The following MAP1B variants were observed in gnomAD, a reference collection of about 807,000 sequenced individuals.
MAP1B encodes the protein microtubule associated protein 1B.
MAP1B carries 12 observed loss-of-function variants against 176.1 expected under a neutral mutation model. That is an observed-to-expected ratio of 0.07 (90% CI 0.04 to 0.11). The LOEUF (loss-of-function observed/expected upper bound fraction) is 0.11. Among genes scored for constraint, MAP1B ranks in the 10% least tolerant of loss-of-function variants. The pLI, the probability that MAP1B is intolerant of heterozygous loss-of-function variation, is 1.00. For missense variants in MAP1B, 2,523 were observed against 2,990.5 expected, an observed-to-expected ratio of 0.84 and a Z score of 3.65; for synonymous variants, 1,044 against 1,135.0, an observed-to-expected ratio of 0.92 and a Z score of 1.61.
chr5:72,196,756 A>G lies in MAP1B; in HGVS notation c.3401A>G (p.Asp1134Gly). The change falls in exon 5 of 7, where the codon GAT (aspartate) becomes GGT (glycine). Residue 1134 changes from aspartate (D) to glycine (G), a missense_variant. By Grantham distance (94) the Asp-to-Gly change is moderately conservative. This residue lies in a region of MAP1B where 1,925 missense variants were observed against 2,126.0 expected (regional missense o/e 0.91). Coordinates refer to ENST00000296755, the MANE Select transcript of MAP1B (RefSeq NM_005909.5). This position sits in a 1 kb window ranked among gnomAD's most constrained non-coding sequence, Gnocchi z 5.3. ...ATATCCAGTGAGCCCACCCCCATGG[A>G]TGAGATGTCTACCCCTCGAGACGTG... ...IEISSEPTPM[D>G]EMSTPRDVMS... 1.2e-6 allele frequency: 2 copies of G among 1,614,142 alleles called. No individual in the cohort carries two copies. Among genetic ancestry groups the G allele is most frequent in the Non-Finnish European group, 1.7e-6 (2 of 1,180,014 alleles).
At chr5:72,132,084 G>T (rs1393506583) in intron 2 of MAP1B, among the ~76,000 whole-genome samples, 1 of 152,066 alleles carries the variant, frequency 6.6e-6, no homozygotes, top group African/African-American at 2.4e-5. Context: ...TAGAACCAAT[G>T]GCCCTTGTTG....
At chr5:72,142,201 G>A (rs372269953) in intron 2 of MAP1B, among the ~76,000 whole-genome samples, 2 of 152,212 alleles carry the variant, frequency 1.3e-5, no homozygotes, top group African/African-American at 2.4e-5. Context: ...AGGTGGCTGG[G>A]AGTGGAAGGC....
chr5:72,159,350 T>C (rs1309668384), intron 2 of MAP1B, among the ~76,000 whole-genome samples: 1 of 152,238 alleles, frequency 6.6e-6, no homozygotes, highest in Non-Finnish European at 1.5e-5. Flanking sequence ...CATTTGGACT[T>C]ATTTCTTAGG....
At chr5:72,191,887 T>C (rs1049564370) in intron 4 of MAP1B, among the ~76,000 whole-genome samples, 3 of 152,162 alleles carry the variant, frequency 2.0e-5, no homozygotes, top group Admixed American at 2.0e-4. Flanking sequence ...TGGATAGAGG[T>C]GAAAAGACGG....
intron 2 of MAP1B, among the ~76,000 whole-genome samples, chr5:72,157,545 C>T (rs1309810599): frequency 1.3e-5 from 2 of 152,180 alleles, no homozygotes; most frequent in African/African-American, 2.4e-5. Context: ...TGGGCTTCCC[C>T]ACCCTCCCTG....
rs1396054149 is a variant in MAP1B at position 72,196,837 on chromosome 5, A to T, written c.3482A>T (p.Asn1161Ile). Residue 1161 changes from asparagine to isoleucine, a missense_variant, in exon 5 of 7, where the codon AAT becomes ATT. Asn to Ile is a moderately radical substitution (Grantham distance 149). Coordinates refer to ENST00000296755, the MANE Select transcript of MAP1B (RefSeq NM_005909.5). This position sits in a 1 kb window ranked among gnomAD's most constrained non-coding sequence, Gnocchi z 5.3. ...ETESPSQEFV[N>I]ITKYESSLYS... Reference sequence around the variant, plus strand: ...GAGTCCCCTTCTCAGGAATTCGTAAATATCACCAAATATGAATCTTCATTG... The same window carrying T: ...GAGTCCCCTTCTCAGGAATTCGTAATTATCACCAAATATGAATCTTCATTG... 6.2e-7 allele frequency: 1 copy of T among 1,614,160 alleles called. No homozygotes were observed. Among genetic ancestry groups the T allele is most frequent in the Non-Finnish European group, 8.5e-7 (1 of 1,179,994 alleles).
At chr5:72,167,447 T>C (rs1746452992) in intron 2 of MAP1B, among the ~76,000 whole-genome samples, 1 of 152,210 alleles carries the variant, frequency 6.6e-6, no homozygotes, top group African/African-American at 2.4e-5. Flanking sequence ...CACTTCTCAG[T>C]TGACCACAAG....
Position 72,199,479 on chromosome 5 carries a change from T to G in MAP1B, c.6124T>G (p.Tyr2042Asp), listed in dbSNP as rs1237595534. The G allele has an allele frequency of 3.1e-6, 5 of 1,614,144 alleles. No homozygotes were observed. The highest frequency in any genetic ancestry group is 3.3e-4 in the Middle Eastern group (2 of 6,062). Reference sequence around the variant, plus strand: ...AACCCCTGATACTTCCACATACTGTTACGAGACTGCAGAGAAAATCACTAG... The same window carrying G: ...AACCCCTGATACTTCCACATACTGTGACGAGACTGCAGAGAAAATCACTAG... ...TRTPDTSTYC[Y>D]ETAEKITRTP... Residue 2042 changes from tyrosine to aspartate, a missense_variant, in exon 5 of 7, where the codon TAC (tyrosine) becomes GAC (aspartate). By Grantham distance (160) the Tyr-to-Asp change is radical. Transcript: ENST00000296755. The surrounding 1 kb of genome is among the most constrained non-coding windows in gnomAD (Gnocchi z 4.2).
chr5:72,183,536 C>G (rs1242741735), intron 2 of MAP1B, among the ~76,000 whole-genome samples: 1 of 152,208 alleles, frequency 6.6e-6, no homozygotes, highest in African/African-American at 2.4e-5. Context: ...CCCGACCACA[C>G]AAACCCAGCC....
At position 72,196,979 on chromosome 5, in the gene MAP1B, A is replaced by G; in HGVS notation, c.3624A>G (p.Ser1208=). The part of the protein sequence containing the change: ...KDYNASASTI[S]PPSSMEEDKF... ...ACAATGCTTCAGCCTCTACCATATCACCACCCTCTTCCATGGAGGAAGACA... is the reference window on the plus strand; with the variant it reads ...ACAATGCTTCAGCCTCTACCATATCGCCACCCTCTTCCATGGAGGAAGACA... The change falls in exon 5 of 7, where the codon TCA becomes TCG. Residue 1208 remains serine, a synonymous_variant. Transcript: ENST00000296755. The surrounding 1 kb of genome is among the most constrained non-coding windows in gnomAD (Gnocchi z 5.3). 6.2e-7 allele frequency: 1 copy of G among 1,614,158 alleles called. No individual in the cohort carries two copies. The highest frequency in any genetic ancestry group is 1.3e-5 in the African/African-American group (1 of 75,036).
At chr5:72,121,822 A>G (rs1358936740) in intron 2 of MAP1B, among the ~76,000 whole-genome samples, 1 of 152,224 alleles carries the variant, frequency 6.6e-6, no homozygotes, top group Non-Finnish European at 1.5e-5. Flanking sequence ...GGGAGTAATG[A>G]ATGTGTTTTC....
chr5:72,136,547 C>G (rs1745839778), intron 2 of MAP1B, among the ~76,000 whole-genome samples: 1 of 152,146 alleles, frequency 6.6e-6, no homozygotes. Flanking sequence ...CCTCCTTCTC[C>G]CCAAGACCTC....
In MAP1B at chr5:72,111,647, A is replaced by T. The variant is rs181590014; in HGVS notation, c.184+3932A>T. On this transcript the variant is annotated intron_variant, in intron 1 of 6. Coordinates refer to ENST00000296755, the MANE Select transcript of MAP1B (RefSeq NM_005909.5). Reference sequence around the variant, plus strand: ...CTATACTTTTCAAAGTCGAAGACAGATGGATTTCTGCTTGCACTGCTTAAT... The same window carrying T: ...CTATACTTTTCAAAGTCGAAGACAGTTGGATTTCTGCTTGCACTGCTTAAT... 7.0e-4 allele frequency among the ~76,000 whole-genome samples: 107 copies of T among 152,334 alleles called. 2 individuals are homozygous for T. In the East Asian group the frequency reaches 8.3e-3, roughly 12 times the overall value.
intron 2 of MAP1B, among the ~76,000 whole-genome samples, chr5:72,151,310 C>A (rs1479677600): frequency 1.3e-5 from 2 of 152,098 alleles, no homozygotes; most frequent in African/African-American, 4.8e-5. Flanking sequence ...GGGATCTGCC[C>A]CCATGACCCA....
chr5:72,143,419 C>T (rs927489475), intron 2 of MAP1B, among the ~76,000 whole-genome samples: 12 of 152,156 alleles, frequency 7.9e-5, no homozygotes, highest in African/African-American at 2.7e-4. Flanking sequence ...TGAACGTCAT[C>T]CACAATTGAA....
chr5:72,199,790 C>A lies in MAP1B; in HGVS notation c.6435C>A (p.Thr2145=), dbSNP rs377366324. 1 of 1,614,038 alleles carries A rather than the reference C, an allele frequency of 6.2e-7. No individual in the cohort carries two copies. Among genetic ancestry groups the A allele is most frequent in the Non-Finnish European group, 8.5e-7 (1 of 1,180,030 alleles). ...GKQQGRQCDE[T]PPTSVSESAP... is the part of the protein sequence containing the mutation. ...AACAGGGCCGACAGTGTGATGAAAC[C>A]CCTCCCACCTCAGTCAGCGAGTCAG... Residue 2145 remains threonine (T), a synonymous_variant, in exon 5 of 7, where the codon ACC becomes ACA. Transcript: ENST00000296755. The surrounding 1 kb of genome is among the most constrained non-coding windows in gnomAD (Gnocchi z 4.2).
At chr5:72,165,130 G>T (rs113487647) in intron 2 of MAP1B, among the ~76,000 whole-genome samples, 1 of 152,096 alleles carries the variant, frequency 6.6e-6, no homozygotes, top group South Asian at 2.1e-4. Flanking sequence ...AATTTGTAGT[G>T]GATTCCTTGA....
At chr5:72,118,746 C>A (rs973809202) in intron 2 of MAP1B, among the ~76,000 whole-genome samples, 5 of 152,156 alleles carry the variant, frequency 3.3e-5, no homozygotes, top group African/African-American at 1.2e-4. Context: ...CCATGCCCAG[C>A]CACAGTTTTG....
Position 72,208,443 on chromosome 5 carries a change from T to G in MAP1B, c.*3204T>G, listed in dbSNP as rs1453633928. 3 of 152,224 alleles carry G rather than the reference T, an allele frequency of 2.0e-5. No individual in the cohort carries two copies. The highest frequency in any genetic ancestry group is 6.5e-5 in the Admixed American group (1 of 15,278). 9.4% of individuals were successfully genotyped at this position (152,224 alleles called of 1,614,324 possible). On this transcript the variant is annotated 3_prime_UTR_variant, in exon 7 of 7. Coordinates refer to ENST00000296755, the MANE Select transcript of MAP1B (RefSeq NM_005909.5). Reference sequence around the variant, plus strand: ...TAAACAAAATTCTACAGAGACTAAATGTTAGCGATGATCCTCCATTTTCAA... The same window carrying G: ...TAAACAAAATTCTACAGAGACTAAAGGTTAGCGATGATCCTCCATTTTCAA...
Sources: allele counts gnomAD v4.1 joint callset (sites outside exome capture counted in the v4.1 genomes callset), GRCh38; gene constraint gnomAD v4.1.1; regional missense constraint gnomAD v4.1.1; non-coding constraint Gnocchi (gnomAD v3.1); transcripts MANE v1.5; gene names NCBI Gene and HGNC (gene_info 2026-07-23, HGNC 2026-07-21).